STMP1: variants seen among roughly 807,000 people sequenced by gnomAD.
STMP1 encodes mitolamban.
Under a neutral mutation model 7.0 loss-of-function variants are expected in STMP1, and 7 were observed. The observed-to-expected ratio is 1.01, with a 90% CI of 0.57 to 1.89. The LOEUF (loss-of-function observed/expected upper bound fraction) is 1.89. STMP1 is among the 40% of genes most tolerant of loss of function. STMP1 has a pLI of 0.00. For synonymous variants in STMP1, 19 were observed against 18.4 expected (o/e 1.03, Z -0.08); for missense variants, 45 against 53.0 (o/e 0.85, Z 0.47).
intron 1 of STMP1, among the ~76,000 whole-genome samples, chr7:135,666,749 A>G (rs1262950424): frequency 1.3e-5 from 2 of 152,060 alleles, no homozygotes; most frequent in Non-Finnish European, 2.9e-5. Context: ...GTTTATTTCT[A>G]TTTTGTTAAT....
At chr7:135,669,729 C>G (rs1278300422) in intron 1 of STMP1, among the ~76,000 whole-genome samples, 1 of 152,182 alleles carries the variant, frequency 6.6e-6, no homozygotes, top group African/African-American at 2.4e-5. Context: ...GACATATTCT[C>G]CAGCGAGGAG....
intron 2 of STMP1, 153 bp downstream of exon 2, chr7:135,672,959 G>A (rs1023707315): frequency 1.2e-4 from 80 of 658,478 alleles, no homozygotes; most frequent in Non-Finnish European, 1.9e-4. Context: ...GCCATTGTTT[G>A]AAAAAGTAAT....
intron 2 of STMP1, 34 bp from the exon 3 acceptor site, chr7:135,674,057 T>C (rs1795384349): frequency 2.2e-6 from 3 of 1,391,248 alleles, no homozygotes; most frequent in Non-Finnish European, 3.0e-6. Context: ...ATTAGGTAGA[T>C]GCAAAATTAT....
chr7:135,663,187 CCTT>C (rs1168281931), intron 1 of STMP1, among the ~76,000 whole-genome samples: 1 of 152,154 alleles, frequency 6.6e-6, no homozygotes, highest in Non-Finnish European at 1.5e-5. Context: ...TCTCTTGGCT[CCTT>C]ATTTGAGTTA....
At chr7:135,672,598 G>A (rs1308577042) in intron 1 of STMP1, among the ~76,000 whole-genome samples, 155 bp from the exon 2 acceptor site, 1 of 152,192 alleles carries the variant, frequency 6.6e-6, no homozygotes, top group African/African-American at 2.4e-5. Flanking sequence ...GAAGAAAAAT[G>A]TGACTCTCAT....
At chr7:135,669,225 A>G (rs1051521938) in intron 1 of STMP1, among the ~76,000 whole-genome samples, 33 of 152,270 alleles carry the variant, frequency 2.2e-4, no homozygotes, top group African/African-American at 7.2e-4. Flanking sequence ...GGGTGGGAAC[A>G]CAGCCAAACC....
At chr7:135,662,760 T>C (rs1197311164) in intron 1 of STMP1, among the ~76,000 whole-genome samples, 166 bp downstream of exon 1, 1 of 152,228 alleles carries the variant, frequency 6.6e-6, no homozygotes, top group Non-Finnish European at 1.5e-5. Context: ...GTTTTCTTCC[T>C]GCCTCCCCAG....
At chr7:135,667,076 A>T (rs1795302613) in intron 1 of STMP1, among the ~76,000 whole-genome samples, 1 of 152,186 alleles carries the variant, frequency 6.6e-6, no homozygotes, top group South Asian at 2.1e-4. Flanking sequence ...AGTGGGTGTG[A>T]TGTAGTTCCT....
intron 1 of STMP1, among the ~76,000 whole-genome samples, chr7:135,667,159 T>C (rs1217411452): frequency 6.6e-6 from 1 of 152,248 alleles, no homozygotes; most frequent in Non-Finnish European, 1.5e-5. Context: ...TGACTGTTTG[T>C]AGCTTTGGAG....
chr7:135,671,925 T>A (rs539713629), intron 1 of STMP1, among the ~76,000 whole-genome samples: 35 of 152,336 alleles, frequency 2.3e-4, no homozygotes, highest in Non-Finnish European at 8.8e-5. Context: ...TATGAAGAGA[T>A]TGTAAACTGT....
intron 1 of STMP1, among the ~76,000 whole-genome samples, chr7:135,671,846 GTCC>G (rs928391008): frequency 6.6e-6 from 1 of 152,116 alleles, no homozygotes; most frequent in African/African-American, 2.4e-5. Context: ...AGATTGTCCT[GTCC>G]TCCTTGTTGT....
At chr7:135,664,091 A>G (rs1441973601) in intron 1 of STMP1, among the ~76,000 whole-genome samples, 1 of 152,228 alleles carries the variant, frequency 6.6e-6, no homozygotes, top group Non-Finnish European at 1.5e-5. Flanking sequence ...CTTTGCCTCT[A>G]GGAGTTTCTG....
intron 1 of STMP1, among the ~76,000 whole-genome samples, chr7:135,663,070 C>T (rs1417442021): frequency 6.6e-6 from 1 of 152,154 alleles, no homozygotes; most frequent in Non-Finnish European, 1.5e-5. Context: ...TCACGAAGTC[C>T]GAGAGGCTAA....
At chr7:135,664,117 A>G (rs1227601978) in intron 1 of STMP1, among the ~76,000 whole-genome samples, 2 of 152,190 alleles carry the variant, frequency 1.3e-5, no homozygotes, top group Non-Finnish European at 2.9e-5. Flanking sequence ...TCCTAACTAG[A>G]TGTTAGTTTA....
intron 1 of STMP1, among the ~76,000 whole-genome samples, chr7:135,666,729 T>C (rs1795298335): frequency 6.6e-6 from 1 of 152,232 alleles, no homozygotes; most frequent in Non-Finnish European, 1.5e-5. Context: ...TCTTGCACCT[T>C]GTTTGTTATG....
chr7:135,668,829 T>G (rs1313979145), intron 1 of STMP1, among the ~76,000 whole-genome samples: 1 of 152,244 alleles, frequency 6.6e-6, no homozygotes, highest in Non-Finnish European at 1.5e-5. Context: ...TCATCACATG[T>G]CCATTCCCAT....
chr7:135,674,635 A>G lies in STMP1; in HGVS notation c.*470A>G, dbSNP rs1795391489. 1 of 152,740 alleles carries G rather than the reference A, an allele frequency of 6.5e-6. No homozygotes were observed. The highest frequency in any genetic ancestry group is 2.4e-5 in the African/African-American group (1 of 41,466). 9.5% of individuals were successfully genotyped at this position (152,740 alleles called of 1,614,324 possible). The stretch of plus-strand genomic sequence containing the variant: ...GTAATTAAAATTAGTATCTAGAGCT[A>G]GTTTCTGGTGAATTATTCATTTATT... On this transcript the variant is annotated 3_prime_UTR_variant, in exon 3 of 3. Transcript: ENST00000507606.
rs772815503 is a variant in STMP1 at position 135,674,812 on chromosome 7, T to G, written c.*647T>G. ...CTTTGTCCCAGTAGAGTTCATAGTC[T>G]ATTTAGTGTGCATGTTTTTCCTTAA... On this transcript the variant is annotated 3_prime_UTR_variant, in exon 3 of 3. Coordinates refer to ENST00000507606, the MANE Select transcript of STMP1 (RefSeq NM_001130929.2). 6.6e-6 allele frequency: 1 copy of G among 152,230 alleles called. No individual in the cohort carries two copies. Among genetic ancestry groups the G allele is most frequent in the Non-Finnish European group, 1.5e-5 (1 of 68,036 alleles). 9.4% of individuals were successfully genotyped at this position (152,230 alleles called of 1,614,324 possible).
intron 1 of STMP1, among the ~76,000 whole-genome samples, chr7:135,669,127 C>T (rs946253153): frequency 9.2e-5 from 14 of 152,196 alleles, no homozygotes; most frequent in African/African-American, 2.7e-4. Flanking sequence ...TTCACTATCA[C>T]GAGAACAGCA....
Sources: gnomAD v4.1 joint callset for allele counts (sites outside exome capture counted in the v4.1 genomes callset) on GRCh38, gnomAD v4.1.1 for gene constraint, MANE v1.5 for transcripts, NCBI Gene and HGNC (gene_info 2026-07-23, HGNC 2026-07-21) for gene names.